The following PNPLA7 variants were observed in gnomAD, a reference collection of about 807,000 sequenced individuals.
The protein encoded by PNPLA7 is patatin-like phospholipase domain-containing protein 7.
Under a neutral mutation model 161.7 loss-of-function variants are expected in PNPLA7, and 153 were observed. That is an observed-to-expected ratio of 0.95 (90% confidence interval 0.83 to 1.08). PNPLA7 has a LOEUF of 1.08. Ranked by LOEUF, PNPLA7 falls within the 50% of genes least tolerant of loss-of-function variation. The pLI is 0.00. For missense variants in PNPLA7, 1,739 were observed against 1,856.6 expected (o/e 0.94, Z 1.16); for synonymous variants, 809 against 782.1 (o/e 1.03, Z -0.57).
intron 20 of PNPLA7, chr9:137,491,341 T>C (rs1410559931): frequency 2.1e-6 from 1 of 478,862 alleles, no homozygotes; most frequent in East Asian, 1.6e-4. Flanking sequence ...AACAACAAAA[T>C]GGAAGACGTA....
chr9:137,478,117 C>CG lies in PNPLA7; in HGVS notation c.2798dup (p.Asp934GlyfsTer64), dbSNP rs767186602. On this transcript the variant is annotated frameshift_variant, in exon 25 of 35. Coordinates refer to ENST00000406427, the MANE Select transcript of PNPLA7 (RefSeq NM_001098537.3). LOFTEE classifies it high-confidence loss of function. ...GGCGGGAGAAGTCTGAGTGTCGGTC[C>CG]GGGGGCCGCTGGAAGACATGCTTGT... 131 of 1,350,802 alleles carry CG rather than the reference C, an allele frequency of 9.7e-5. 1 individual carries two copies. Among genetic ancestry groups the CG allele is most frequent in the Non-Finnish European group, 1.2e-4 (129 of 1,044,198 alleles). 83.7% of individuals were successfully genotyped at this position (1,350,802 alleles called of 1,614,324 possible).
At chr9:137,512,100 G>C (rs1191017576) in intron 12 of PNPLA7, among the ~76,000 whole-genome samples, 2 of 152,166 alleles carry the variant, frequency 1.3e-5, no homozygotes, top group Non-Finnish European at 2.9e-5. Context: ...TTAGTCTCGT[G>C]TCTTATTTTA....
In PNPLA7 at chr9:137,547,392, G is replaced by A. The variant is rs138538225; in HGVS notation, c.110C>T (p.Thr37Met). The A allele has an allele frequency of 1.2e-4, 187 of 1,613,396 alleles. No individual in the cohort carries two copies. The South Asian group carries it at 1.3e-3, about 11-fold the overall frequency. ...CAGGAGGGCTCCAACTGCAATCCCC[G>A]TCAGCTGGCCGAGAGTGGAAACACG... ...TEEGSPSTMLTGIAVGALLAL... is the reference protein window; with the variant it reads ...TEEGSPSTMLMGIAVGALLAL... The change falls in exon 3 of 35, where the codon ACG becomes ATG. Residue 37 changes from threonine to methionine, a missense_variant. Transcript: ENST00000406427. The surrounding 1 kb of genome is among the most constrained non-coding windows in gnomAD (Gnocchi z 4.6).
intron 14 of PNPLA7, among the ~76,000 whole-genome samples, chr9:137,503,045 C>T (rs935861347): frequency 6.6e-6 from 1 of 151,822 alleles, no homozygotes; most frequent in African/African-American, 2.4e-5. Context: ...TCCATCTATT[C>T]TATATAGTTT....
chr9:137,537,350 ACT>A lies in PNPLA7; in HGVS notation c.747+3290_747+3291del, dbSNP rs1178018797. Among the ~76,000 whole-genome samples the A allele has an allele frequency of 3.3e-5, 5 of 151,458 alleles. No homozygotes were observed. The highest frequency in any genetic ancestry group is 4.9e-5 in the African/African-American group (2 of 41,158). Reference sequence around the variant, plus strand: ...TTTTTTGAGACAGAGTTGGAGTGTCACTCTGTCACCAGGCTGGAGTGCAGTGG... The same window carrying A: ...TTTTTTGAGACAGAGTTGGAGTGTCACTGTCACCAGGCTGGAGTGCAGTGG... On this transcript the variant is annotated intron_variant, in intron 8 of 34. Transcript: ENST00000406427. This position sits in a 1 kb window ranked among gnomAD's most constrained non-coding sequence, Gnocchi z 4.5.
chr9:137,495,798 G>C (rs537017723), intron 18 of PNPLA7, among the ~76,000 whole-genome samples: 1 of 152,168 alleles, frequency 6.6e-6, no homozygotes, highest in Non-Finnish European at 1.5e-5. Flanking sequence ...CCTGCCCTCT[G>C]GCACTGAGGC....
Position 137,461,640 on chromosome 9 carries a change from A to C in PNPLA7, c.3757-20T>G, listed in dbSNP as rs1831202124. 1.3e-6 allele frequency: 2 copies of C among 1,585,424 alleles called. No individual in the cohort carries two copies. The highest frequency in any genetic ancestry group is 2.7e-5 in the African/African-American group (2 of 74,588). On this transcript the variant is annotated intron_variant, in intron 32 of 34. Coordinates refer to ENST00000406427, the MANE Select transcript of PNPLA7 (RefSeq NM_001098537.3). ...GAGGACCTAGGGGTGGGGTGAGGAC[A>C]GCACGTTGCCTGTGGACACCCGCCT... is the stretch of plus-strand genomic sequence containing the variant.
chr9:137,462,234 C>T lies in PNPLA7; in HGVS notation c.3590G>A (p.Arg1197His), dbSNP rs371039832. Residue 1197 changes from arginine (R) to histidine (H), a missense_variant, in exon 31 of 35, where the codon CGC (arginine) becomes CAC (histidine). By Grantham distance (29) the Arg-to-His change is conservative. Around this residue, in one of 6 missense-constraint regions of PNPLA7, gnomAD observed 703 missense variants for 694.6 expected, o/e 1.01. Coordinates refer to ENST00000406427, the MANE Select transcript of PNPLA7 (RefSeq NM_001098537.3). Reference protein sequence around the residue: ...VKSSDYCEYLRPPIDSYSTLD... With the variant: ...VKSSDYCEYLHPPIDSYSTLD... Reference sequence around the variant, plus strand: ...GGTGCTGTAGCTGTCGATGGGGGGGCGCAGGTACTCGCAGTAGTCACTGCT... The same window carrying T: ...GGTGCTGTAGCTGTCGATGGGGGGGTGCAGGTACTCGCAGTAGTCACTGCT... 2.4e-5 allele frequency: 38 copies of T among 1,607,600 alleles called. No individual in the cohort carries two copies. The highest frequency in any genetic ancestry group is 4.0e-5 in the African/African-American group (3 of 74,810).
intron 8 of PNPLA7, among the ~76,000 whole-genome samples, chr9:137,534,270 C>T (rs1835767256): frequency 6.7e-6 from 1 of 149,050 alleles, no homozygotes; most frequent in African/African-American, 2.5e-5. Flanking sequence ...CCAGGCTCCT[C>T]AGTGAGTGTC....
chr9:137,550,136 A>T (rs1279437985), intron 1 of PNPLA7, 32 bp downstream of exon 1: 10 of 1,612,494 alleles, frequency 6.2e-6, no homozygotes, highest in Non-Finnish European at 8.5e-6. Context: ...CCAACTGGGA[A>T]ATCCAGGCAT....
intron 4 of PNPLA7, 46 bp downstream of exon 4, chr9:137,546,784 T>C (rs1298567691): frequency 6.3e-7 from 1 of 1,588,356 alleles, no homozygotes; most frequent in Non-Finnish European, 8.6e-7. Flanking sequence ...CACAGGGGCC[T>C]GCTCGAGGAA....
In PNPLA7 at chr9:137,496,101, A is replaced by G. The variant is rs1448835949; in HGVS notation, c.2014-955T>C. 2.7e-5 allele frequency among the ~76,000 whole-genome samples: 4 copies of G among 147,594 alleles called. No individual in the cohort carries two copies. The South Asian group carries it at 8.6e-4, about 32-fold the overall frequency. ...GGGGAGGGCACCTAGGCCTCCCCAC[A>G]CACTGTTTTTTTTTTTCAGACGGAG... On this transcript the variant is annotated intron_variant, in intron 18 of 34. Coordinates refer to ENST00000406427, the MANE Select transcript of PNPLA7 (RefSeq NM_001098537.3).
chr9:137,481,024 C>T lies in PNPLA7; in HGVS notation c.2348-1G>A, dbSNP rs1315255759. 1.9e-6 allele frequency: 3 copies of T among 1,551,540 alleles called. No homozygotes were observed. In the African/African-American group the frequency reaches 4.1e-5, roughly 21 times the overall value. ...TCACTAGTCAGCAGCAGGGTCGGGCCTGAAAACACCACCACCAGTAACGGA... is the reference window on the plus strand; with the variant it reads ...TCACTAGTCAGCAGCAGGGTCGGGCTTGAAAACACCACCACCAGTAACGGA... On this transcript the variant is annotated splice_acceptor_variant, in intron 21 of 34. Transcript: ENST00000406427. LOFTEE classifies it high-confidence loss of function.
At chr9:137,506,232 G>C in intron 12 of PNPLA7, 149 bp from the exon 13 acceptor site, 1 of 625,370 alleles carries the variant, frequency 1.6e-6, no homozygotes, top group Non-Finnish European at 2.8e-6. Flanking sequence ...TCCACACCCT[G>C]CTTTCTTTCG....
At chr9:137,485,559 T>A (rs1475773655) in intron 20 of PNPLA7, among the ~76,000 whole-genome samples, 4 of 152,234 alleles carry the variant, frequency 2.6e-5, no homozygotes, top group Non-Finnish European at 1.5e-5. Flanking sequence ...GTCGCAGGGC[T>A]TTCCACCACT....
chr9:137,540,771 G>T lies in PNPLA7; in HGVS notation c.667-49C>A, dbSNP rs1301448928. 8.7e-5 allele frequency: 133 copies of T among 1,523,998 alleles called. No individual in the cohort carries two copies. Among genetic ancestry groups the T allele is most frequent in the Non-Finnish European group, 1.2e-4 (132 of 1,120,130 alleles). 94.4% of individuals were successfully genotyped at this position (1,523,998 alleles called of 1,614,324 possible). On this transcript the variant is annotated intron_variant, in intron 7 of 34. Transcript: ENST00000406427. This position sits in a 1 kb window ranked among gnomAD's most constrained non-coding sequence, Gnocchi z 5.1. Reference sequence around the variant, plus strand: ...TGCCGTCAGGTCTGGGGCTGCGACCGCGGGGCCTGGCGGAGGCTCAGCCCA... The same window carrying T: ...TGCCGTCAGGTCTGGGGCTGCGACCTCGGGGCCTGGCGGAGGCTCAGCCCA...
chr9:137,463,707 C>T (rs1268689484), intron 28 of PNPLA7, among the ~76,000 whole-genome samples, 176 bp from the exon 29 acceptor site: 3 of 152,104 alleles, frequency 2.0e-5, no homozygotes, highest in Non-Finnish European at 4.4e-5. Context: ...TCTCTGGGGT[C>T]GCACTGCATT....
At chr9:137,482,114 C>T (rs565386874) in intron 21 of PNPLA7, among the ~76,000 whole-genome samples, 11 of 152,318 alleles carry the variant, frequency 7.2e-5, no homozygotes, top group South Asian at 2.1e-4. Context: ...GTGCAGCAGC[C>T]GAAACCTGCT....
chr9:137,461,858 CTGGGCG>C lies in PNPLA7; in HGVS notation c.3756+67_3756+72del, dbSNP rs370704621. ...GAGGAGCTGGGCGTGGCCTGATGAA[CTGGGCG>C]TGGGCGTGGCCCGAAGAACTGGGCG... On this transcript the variant is annotated intron_variant, in intron 32 of 34. Transcript: ENST00000406427. The C allele has an allele frequency of 1.3e-3, 1,931 of 1,437,886 alleles. 18 individuals are homozygous for C. The African/African-American group carries it at 0.015, about 11-fold the overall frequency. 89.1% of individuals were successfully genotyped at this position (1,437,886 alleles called of 1,614,324 possible).
Sources: gnomAD v4.1 joint callset for allele counts (sites outside exome capture counted in the v4.1 genomes callset) on GRCh38, gnomAD v4.1.1 for gene constraint, gnomAD v4.1.1 regional missense constraint, Gnocchi (gnomAD v3.1) non-coding constraint, MANE v1.5 for transcripts, NCBI Gene and HGNC (gene_info 2026-07-23, HGNC 2026-07-21) for gene names.